Variants in ZBTB46 observed in about 807,000 individuals in gnomAD.
The protein encoded by ZBTB46 is zinc finger and BTB domain containing 46.
A neutral mutation model predicts 44.1 loss-of-function variants in ZBTB46; 8 were observed. That is an observed-to-expected ratio of 0.18 (90% CI 0.11 to 0.33). The LOEUF is 0.33. Ranked by LOEUF, ZBTB46 falls within the 10% of genes least tolerant of loss-of-function variation. The pLI is 1.00. For synonymous variants in ZBTB46, 409 were observed against 382.3 expected (o/e 1.07, Z -0.81); for missense variants, 651 against 847.7 (o/e 0.77, Z 2.88).
At chr20:63,771,447 TGA>T (rs1335914944) in intron 3 of ZBTB46, among the ~76,000 whole-genome samples, 2 of 152,074 alleles carry the variant, frequency 1.3e-5, no homozygotes, top group Admixed American at 6.5e-5. Flanking sequence ...CGCACGGTGT[TGA>T]GAGACTTAGA....
At chr20:63,805,763 T>A (rs75068322) in intron 1 of ZBTB46, among the ~76,000 whole-genome samples, 2 of 103,812 alleles carry the variant, frequency 1.9e-5, no homozygotes, top group Non-Finnish European at 3.8e-5. Context: ...TTTTTTTTTT[T>A]CCTTTTTTTT....
intron 1 of ZBTB46, among the ~76,000 whole-genome samples, chr20:63,805,912 A>G (rs1381064318): frequency 6.6e-6 from 1 of 151,830 alleles, no homozygotes; most frequent in African/African-American, 2.4e-5. Flanking sequence ...AGCTGGGATT[A>G]TAGGTGTGTG....
intron 2 of ZBTB46, among the ~76,000 whole-genome samples, chr20:63,777,258 A>AC (rs1330886132): frequency 2.6e-5 from 4 of 152,134 alleles, no homozygotes; most frequent in Non-Finnish European, 4.4e-5. Context: ...TCTATTGAGA[A>AC]CAGGAGTTCA....
intron 1 of ZBTB46, among the ~76,000 whole-genome samples, chr20:63,810,608 T>C (rs1440656148): frequency 1.3e-5 from 2 of 152,122 alleles, no homozygotes; most frequent in African/African-American, 4.8e-5. Context: ...TAGCTGGGCG[T>C]GGTGGCACGC....
intron 3 of ZBTB46, among the ~76,000 whole-genome samples, chr20:63,759,346 C>T (rs534438613): frequency 6.6e-6 from 1 of 152,268 alleles, no homozygotes; most frequent in East Asian, 1.9e-4. Context: ...AGTCATGTCA[C>T]CTACAAATGA....
At chr20:63,785,343 T>C (rs1023165167) in intron 2 of ZBTB46, among the ~76,000 whole-genome samples, 2 of 149,638 alleles carry the variant, frequency 1.3e-5, no homozygotes, top group African/African-American at 4.9e-5. Context: ...GGCGGACCGC[T>C]TGAGGTCAGG....
rs941044984 is a variant in ZBTB46 at position 63,810,475 on chromosome 20, A to G, written c.-33-19685T>C. 3.3e-5 allele frequency among the ~76,000 whole-genome samples: 5 copies of G among 152,304 alleles called. No individual in the cohort carries two copies. The South Asian group carries it at 1.0e-3, about 32-fold the overall frequency. On this transcript the variant is annotated intron_variant, in intron 1 of 4. Transcript: ENST00000245663. ...CCCTCGCAAACCAAGGTCCTTATTC[A>G]TAAAACACAAATGTAATCCTAGCAC...
intron 2 of ZBTB46, among the ~76,000 whole-genome samples, chr20:63,785,124 CG>C (rs1273166279): frequency 6.9e-5 from 10 of 143,896 alleles, no homozygotes; most frequent in Admixed American, 4.3e-4. Context: ...CCCAGCTACT[CG>C]GGAGGCTGAG....
At chr20:63,813,140 C>T (rs1345797921) in intron 1 of ZBTB46, among the ~76,000 whole-genome samples, 2 of 151,646 alleles carry the variant, frequency 1.3e-5, no homozygotes, top group African/African-American at 2.4e-5. Context: ...TATGAAACAA[C>T]CCGTGTTTTA....
rs1304989666 is a variant in ZBTB46 at position 63,747,129 on chromosome 20, G to C, written c.1571C>G (p.Pro524Arg). 1.9e-6 allele frequency: 3 copies of C among 1,610,228 alleles called. No homozygotes were observed. The highest frequency in any genetic ancestry group is 3.3e-5 in the Admixed American group (2 of 59,920). The change falls in exon 5 of 5, where the codon CCA becomes CGA. Residue 524 changes from proline to arginine, a missense_variant. By Grantham distance (103) the Pro-to-Arg change is moderately radical (BLOSUM62 -2). Transcript: ENST00000245663. ...DHGGGGGEGS[P>R]EALFPGDGPY... ...CCCGTCGCCTGGGAACAGCGCCTCT[G>C]GAGAGCCCTCGCCGCCTCCGCCGCC...
At chr20:63,832,580 C>T (rs1319050810), upstream of ZBTB46, among the ~76,000 whole-genome samples, 2 of 152,206 alleles carry the variant, frequency 1.3e-5, no homozygotes, top group Non-Finnish European at 2.9e-5. The surrounding 1 kb of genome is among the most constrained non-coding windows in gnomAD (Gnocchi z 5.0). Context: ...CGAGGTGTGG[C>T]TGCCGGGACC....
intron 3 of ZBTB46, among the ~76,000 whole-genome samples, chr20:63,768,519 A>C (rs547443820): frequency 4.6e-5 from 7 of 152,296 alleles, no homozygotes; most frequent in African/African-American, 1.4e-4. Context: ...AGGCAGGAGA[A>C]TCTCTTGAAC....
At position 63,759,846 on chromosome 20, in the gene ZBTB46, C is replaced by A. The variant is rs116654325; in HGVS notation, c.1223-6985G>T. Among the ~76,000 whole-genome samples the A allele has an allele frequency of 7.5e-3, 1,143 of 152,194 alleles. 11 individuals carry two copies. The highest frequency in any genetic ancestry group is 0.027 in the African/African-American group (1,101 of 41,516). On this transcript the variant is annotated intron_variant, in intron 3 of 4. Coordinates refer to ENST00000245663, the MANE Select transcript of ZBTB46 (RefSeq NM_001369741.1). ...TACTCCAATTTGCCGATTCTTATCA[C>A]GAAGGCTACTGAATTTTATCAAAAG...
intron 1 of ZBTB46, among the ~76,000 whole-genome samples, chr20:63,801,400 T>C (rs2092643482): frequency 6.6e-6 from 1 of 152,148 alleles, no homozygotes; most frequent in Non-Finnish European, 1.5e-5. Context: ...AATGGGCCAA[T>C]CAGCTCTCTC....
At chr20:63,800,975 C>T (rs761567639) in intron 1 of ZBTB46, among the ~76,000 whole-genome samples, 5 of 152,254 alleles carry the variant, frequency 3.3e-5, no homozygotes, top group South Asian at 2.1e-4. Context: ...CGGATCCACT[C>T]GGTGAAGACA....
intron 3 of ZBTB46, chr20:63,769,252 G>C: frequency 1.0e-6 from 1 of 985,442 alleles, no homozygotes; most frequent in Non-Finnish European, 1.2e-6. Flanking sequence ...TGTCTTACCT[G>C]AGCTGGGGGA....
In ZBTB46 at chr20:63,778,273, G is replaced by A. The variant is rs903840973; in HGVS notation, c.938-2311C>T. ...AGTCATGAATTCAACGGATTCCTCC[G>A]AGTGTCAGCTCAGGCCAGCCAGGGC... On this transcript the variant is annotated intron_variant, in intron 2 of 4. Coordinates refer to ENST00000245663, the MANE Select transcript of ZBTB46 (RefSeq NM_001369741.1). 5.9e-5 allele frequency among the ~76,000 whole-genome samples: 9 copies of A among 152,196 alleles called. No homozygotes were observed. In the South Asian group the frequency reaches 8.3e-4, roughly 14 times the overall value.
chr20:63,812,470 C>T (rs4809233), intron 1 of ZBTB46, among the ~76,000 whole-genome samples: 27,125 of 151,674 alleles, frequency 0.18, 2,900 homozygotes, highest in East Asian at 0.45. Flanking sequence ...GGTAAAACCC[C>T]GTCTCTACTA....
intron 1 of ZBTB46, among the ~76,000 whole-genome samples, chr20:63,798,674 CAAAA>C (rs71197435): frequency 5.3e-5 from 1 of 18,740 alleles, no homozygotes; most frequent in Non-Finnish European, 8.1e-5. Flanking sequence ...GACTCTGTCT[CAAAA>C]AAAAAAAAAA....
Sources: allele counts gnomAD v4.1 joint callset (sites outside exome capture counted in the v4.1 genomes callset), GRCh38; gene constraint gnomAD v4.1.1; non-coding constraint Gnocchi (gnomAD v3.1); transcripts MANE v1.5; gene names NCBI Gene and HGNC (gene_info 2026-07-23, HGNC 2026-07-21).